Variants in MAP4 observed in about 807,000 individuals in gnomAD.
MAP4 encodes the protein microtubule associated protein 4.
In MAP4, 76 loss-of-function variants were observed where a neutral mutation model predicts 170.2. That is an observed-to-expected ratio of 0.45 (90% confidence interval 0.37 to 0.54). The LOEUF (loss-of-function observed/expected upper bound fraction) is 0.54, where lower values mean the gene tolerates loss of function less well. MAP4 is among the 20% of genes least tolerant of loss of function. MAP4 has a pLI of 0.00. For missense variants in MAP4, 2,506 were observed against 2,748.0 expected (o/e 0.91, Z 1.97); for synonymous variants, 909 against 994.5 (o/e 0.91, Z 1.62).
rs146348087 is a variant in MAP4, at chr3:47,993,927, C to T, written c.223+4711G>A. Reference sequence around the variant, plus strand: ...AAAGCTTCATCAGAGAGTCCTTCTCCACCAGGACAATGCTCCTGTTCATTC... The same window carrying T: ...AAAGCTTCATCAGAGAGTCCTTCTCTACCAGGACAATGCTCCTGTTCATTC... On this transcript the variant is annotated intron_variant, in intron 2 of 20. Coordinates refer to ENST00000683076, the MANE Select transcript of MAP4 (RefSeq NM_001385682.1). Among the ~76,000 whole-genome samples the T allele has an allele frequency of 1.8e-4, 27 of 152,300 alleles. No homozygotes were observed. In the East Asian group the frequency reaches 5.0e-3, roughly 28 times the overall value.
intron 1 of MAP4, among the ~76,000 whole-genome samples, chr3:48,077,831 T>C (rs917490291): frequency 6.6e-6 from 1 of 152,202 alleles, no homozygotes; most frequent in African/African-American, 2.4e-5. Context: ...ATTATATCCA[T>C]GTAATGTAAT....
In MAP4 at chr3:47,915,942, A is replaced by G; in HGVS notation, c.1876+9T>C. 6.3e-7 allele frequency: 1 copy of G among 1,599,582 alleles called. No individual in the cohort carries two copies. ...GAGAGAAATACTGAGAATAAGCACAAGCACGTACCTGGTGAAATCATGAAA... is the reference window on the plus strand; with the variant it reads ...GAGAGAAATACTGAGAATAAGCACAGGCACGTACCTGGTGAAATCATGAAA... On this transcript the variant is annotated intron_variant, in intron 7 of 20. Coordinates refer to ENST00000683076, the MANE Select transcript of MAP4 (RefSeq NM_001385682.1).
chr3:48,076,060 A>T (rs1220477737), intron 1 of MAP4, among the ~76,000 whole-genome samples: 6 of 145,274 alleles, frequency 4.1e-5, no homozygotes, highest in South Asian at 4.2e-4. Flanking sequence ...TGAAATTGAT[A>T]AAAAAAAAAC....
At chr3:48,012,643 C>T (rs548040123) in intron 1 of MAP4, among the ~76,000 whole-genome samples, 6 of 152,188 alleles carry the variant, frequency 3.9e-5, no homozygotes, top group African/African-American at 1.2e-4. Flanking sequence ...CCCTATCCAA[C>T]CCTCAGCACC....
intron 1 of MAP4, among the ~76,000 whole-genome samples, chr3:48,072,282 C>T (rs139455827): frequency 0.017 from 2,582 of 151,882 alleles, 64 homozygotes; most frequent in African/African-American, 0.05. Flanking sequence ...CCGAGGTGGG[C>T]GGATCACTTG....
rs531609607 is a variant in MAP4, at chr3:48,059,882, A to C, written c.-20+28891T>G. Among the ~76,000 whole-genome samples, 5 of 151,876 alleles carry C rather than the reference A, an allele frequency of 3.3e-5. No individual in the cohort carries two copies. In the East Asian group the frequency reaches 5.8e-4, roughly 18 times the overall value. ...GTAATCCCAGCAACTCAGGAGGCTGAGGCAGGAGAATTGCTTGAACCTGGA... is the reference window on the plus strand; with the variant it reads ...GTAATCCCAGCAACTCAGGAGGCTGCGGCAGGAGAATTGCTTGAACCTGGA... On this transcript the variant is annotated intron_variant, in intron 1 of 18. Coordinates refer to the MAP4 transcript ENST00000360240.
chr3:47,956,687 T>C (rs1389151445), intron 3 of MAP4, among the ~76,000 whole-genome samples: 2 of 152,192 alleles, frequency 1.3e-5, no homozygotes, highest in African/African-American at 4.8e-5. Flanking sequence ...ATGTGAATAA[T>C]CATTTGCATT....
intron 1 of MAP4, among the ~76,000 whole-genome samples, chr3:48,003,270 T>G (rs1371005360): frequency 6.6e-6 from 1 of 151,840 alleles, no homozygotes. Flanking sequence ...CTGGTTAACA[T>G]GGTGAAACCT....
chr3:47,958,040 G>A (rs1346778767), intron 3 of MAP4, among the ~76,000 whole-genome samples: 3 of 152,182 alleles, frequency 2.0e-5, no homozygotes, highest in African/African-American at 7.2e-5. Context: ...ATTAGAAGAT[G>A]AGACTGCCAC....
chr3:47,898,441 G>A (rs1267336775), intron 10 of MAP4, among the ~76,000 whole-genome samples: 1 of 151,828 alleles, frequency 6.6e-6, no homozygotes, highest in East Asian at 1.9e-4. Context: ...GGCAGAGGTT[G>A]CAGTGAGCTG....
intron 2 of MAP4, among the ~76,000 whole-genome samples, chr3:47,979,252 TAATC>T (rs2100084026): frequency 7.8e-6 from 1 of 129,024 alleles, no homozygotes; most frequent in Admixed American, 8.1e-5. Context: ...GGTAGTTACC[TAATC>T]ACCTAATAAT....
intron 4 of MAP4, among the ~76,000 whole-genome samples, chr3:47,925,918 G>C (rs549455042): frequency 6.6e-6 from 1 of 152,084 alleles, no homozygotes; most frequent in African/African-American, 2.4e-5. Context: ...ACAATGGCAC[G>C]ATCTTGGCTC....
At chr3:48,083,575 C>T (rs968319040) in intron 1 of MAP4, among the ~76,000 whole-genome samples, 1 of 151,752 alleles carries the variant, frequency 6.6e-6, no homozygotes, top group Non-Finnish European at 1.5e-5. Context: ...CCATGTTGGC[C>T]AGGCTGGTCT....
At chr3:47,998,166 C>G (rs2100096999) in intron 2 of MAP4, among the ~76,000 whole-genome samples, 1 of 152,084 alleles carries the variant, frequency 6.6e-6, no homozygotes, top group East Asian at 1.9e-4. Context: ...AACACAGATA[C>G]AAAAATACTC....
Position 47,927,311 on chromosome 3 carries a change from T to C in MAP4, c.415+917A>G, listed in dbSNP as rs1358976521. On this transcript the variant is annotated intron_variant, in intron 4 of 20. Transcript: ENST00000683076. ...AACAAACGATGAGCATCTTATAAGT[T>C]AGATGTCAAAAAAGAAGCCATATTT... Among the ~76,000 whole-genome samples, 3 of 152,134 alleles carry C rather than the reference T, an allele frequency of 2.0e-5. No homozygotes were observed. The East Asian group carries it at 5.8e-4, about 29-fold the overall frequency.
At chr3:47,902,673 CAAAAAAAAAAAAA>C (rs3051642) in intron 10 of MAP4, among the ~76,000 whole-genome samples, 5 of 25,776 alleles carry the variant, frequency 1.9e-4, no homozygotes, top group African/African-American at 7.3e-4. Flanking sequence ...GACTCTGTCT[CAAAAAAAAAAAAA>C]AAAAAAAAAA....
At chr3:47,974,165 C>G in intron 3 of MAP4, 1 of 972,748 alleles carries the variant, frequency 1.0e-6, no homozygotes, top group South Asian at 4.8e-5. Context: ...GTGTCTCACA[C>G]CTGTAATCCC....
intron 10 of MAP4, among the ~76,000 whole-genome samples, chr3:47,880,932 T>A (rs1425427365): frequency 6.6e-6 from 1 of 152,190 alleles, no homozygotes; most frequent in Non-Finnish European, 1.5e-5. Context: ...TTTACTAACA[T>A]TCTGTCTAGT....
chr3:48,004,667 G>A (rs563035535), intron 1 of MAP4, among the ~76,000 whole-genome samples: 5 of 152,174 alleles, frequency 3.3e-5, no homozygotes, highest in African/African-American at 4.8e-5. Flanking sequence ...CACCTGAGGT[G>A]TCTACTGCTA....
Sources: allele counts gnomAD v4.1 joint callset (sites outside exome capture counted in the v4.1 genomes callset), GRCh38; gene constraint gnomAD v4.1.1; transcripts MANE v1.5; gene names NCBI Gene and HGNC (gene_info 2026-07-23, HGNC 2026-07-21).